The following SLC2A14 variants were observed in gnomAD, a reference collection of about 807,000 sequenced individuals.
SLC2A14 encodes solute carrier family 2, facilitated glucose transporter member 14.
A neutral mutation model predicts 43.0 loss-of-function variants in SLC2A14; 13 were observed. That is an observed-to-expected ratio of 0.30 (90% CI 0.20 to 0.48). The LOEUF is 0.48. SLC2A14 is among the 20% of genes least tolerant of loss of function. SLC2A14 has a pLI of 0.99. For missense variants in SLC2A14, 428 were observed against 620.4 expected (o/e 0.69, Z 3.29); for synonymous variants, 190 against 233.8 (o/e 0.81, Z 1.71).
chr12:7,812,993 T>C lies in SLC2A14; in HGVS notation c.*1323A>G, dbSNP rs914439742. On this transcript the variant is annotated 3_prime_UTR_variant, in exon 11 of 11. Transcript: ENST00000431042. Reference sequence around the variant, plus strand: ...TGACTCATACTGTCTAAACCTGGTTTATTGGAAAGATTCAAGTCCCCTGAG... The same window carrying C: ...TGACTCATACTGTCTAAACCTGGTTCATTGGAAAGATTCAAGTCCCCTGAG... 2.0e-5 allele frequency: 3 copies of C among 151,918 alleles called. No homozygotes were observed. 9.4% of individuals were successfully genotyped at this position (151,918 alleles called of 1,614,324 possible).
intron 4 of SLC2A14, among the ~76,000 whole-genome samples, chr12:7,830,296 CGCCTGCCACCAT>C (rs1221084230): frequency 6.6e-6 from 1 of 151,900 alleles, no homozygotes; most frequent in Non-Finnish European, 1.5e-5. Flanking sequence ...GGATAACAGG[CGCCTGCCACCAT>C]GCCTGGCTAA....
At chr12:7,839,781 G>C (rs888123145) in intron 2 of SLC2A14, 1 of 452,196 alleles carries the variant, frequency 2.2e-6, no homozygotes, top group Admixed American at 2.4e-5. Flanking sequence ...CCATACAGAA[G>C]GGGCTTCGGA....
intron 1 of SLC2A14, among the ~76,000 whole-genome samples, chr12:7,880,500 A>C (rs1013915617): frequency 2.0e-5 from 3 of 151,566 alleles, no homozygotes; most frequent in Non-Finnish European, 2.9e-5. Context: ...CTGATTAATC[A>C]ATATTAATCA....
chr12:7,890,929 T>TC, intron 1 of SLC2A14: 5 of 1,479,500 alleles, frequency 3.4e-6, no homozygotes, highest in Non-Finnish European at 4.5e-6. Flanking sequence ...GTTTTTCCCT[T>TC]TTTTAAAGAA....
At chr12:7,870,735 CA>C in intron 1 of SLC2A14, 53 of 516,454 alleles carry the variant, frequency 1.0e-4, no homozygotes, top group South Asian at 3.6e-4. Context: ...AAAGTCAAAC[CA>C]AAAAAAACCT....
intron 2 of SLC2A14, among the ~76,000 whole-genome samples, chr12:7,837,802 G>A (rs917316949): frequency 7.9e-5 from 12 of 151,532 alleles, no homozygotes; most frequent in African/African-American, 2.4e-4. Flanking sequence ...CTGTTGTCCA[G>A]GCTAGAGTGC....
chr12:7,814,572 A>C, intron 10 of SLC2A14, 38 bp from the exon 11 acceptor site: 5 of 1,588,554 alleles, frequency 3.1e-6, no homozygotes, highest in Non-Finnish European at 4.3e-6. Context: ...TTGATATAAA[A>C]ATCTGGTCAT....
intron 1 of SLC2A14, among the ~76,000 whole-genome samples, chr12:7,888,797 C>CAAAAAAA (rs138233883): frequency 3.8e-5 from 4 of 104,330 alleles, no homozygotes; most frequent in East Asian, 5.4e-4. Flanking sequence ...GACTCCGTCT[C>CAAAAAAA]AAAAAAAAAA....
upstream of SLC2A14, chr12:7,873,105 G>C (rs1945332000): frequency 2.0e-6 from 2 of 985,504 alleles, no homozygotes; most frequent in African/African-American, 1.7e-5. Flanking sequence ...GTCCAGCCCC[G>C]GCGGCTGCTG....
chr12:7,831,477 G>C, intron 4 of SLC2A14, 127 bp downstream of exon 4: 3 of 1,434,036 alleles, frequency 2.1e-6, no homozygotes, highest in Non-Finnish European at 2.8e-6. Flanking sequence ...AGTTGGGCTA[G>C]TTTCCCTTGA....
chr12:7,830,169 T>C (rs201582767), intron 4 of SLC2A14, among the ~76,000 whole-genome samples, 163 bp from the exon 5 acceptor site: 1 of 142,932 alleles, frequency 7.0e-6, no homozygotes, highest in East Asian at 2.1e-4. Context: ...TTTTTTTTTT[T>C]TGAGACAGAG....
Position 7,829,799 on chromosome 12 carries a change from C to A in SLC2A14, c.480G>T (p.Gln160His). The A allele has an allele frequency of 6.2e-7, 1 of 1,614,186 alleles. No homozygotes were observed. The highest frequency in any genetic ancestry group is 8.5e-7 in the Non-Finnish European group (1 of 1,180,030). The change falls in exon 5 of 11, where the codon CAG becomes CAT. Residue 160 changes from glutamine to histidine, a missense_variant. By Grantham distance (24) the Gln-to-His change is conservative. Transcript: ENST00000431042. ...ALRGAFGTLN[Q>H]LGIVIGILVA... ...CCAGAATTCCAATAACTATGCCCAG[C>A]TGGTTGAGAGTGCCAAAGGCACCCC...
intron 7 of SLC2A14, among the ~76,000 whole-genome samples, chr12:7,823,499 G>C (rs1864101374): frequency 6.6e-6 from 1 of 152,150 alleles, no homozygotes; most frequent in Admixed American, 6.5e-5. Context: ...AAGGCGGGCA[G>C]ATCACCTTAG....
chr12:7,863,148 C>T (rs1944686179), intron 2 of SLC2A14, among the ~76,000 whole-genome samples: 1 of 152,110 alleles, frequency 6.6e-6, no homozygotes, highest in Non-Finnish European at 1.5e-5. Flanking sequence ...CAAAGGTCTG[C>T]AGCTTCATTT....
chr12:7,882,968 C>G (rs961568884), intron 1 of SLC2A14, among the ~76,000 whole-genome samples: 4 of 151,698 alleles, frequency 2.6e-5, no homozygotes, highest in Non-Finnish European at 1.5e-5. Flanking sequence ...CCCAGGACTT[C>G]GGGAGGCCAA....
chr12:7,861,254 G>C (rs1165205842), intron 2 of SLC2A14, among the ~76,000 whole-genome samples: 3 of 151,688 alleles, frequency 2.0e-5, no homozygotes, highest in Admixed American at 6.6e-5. Flanking sequence ...TTTTTTTGGT[G>C]GGGGGGAGGC....
chr12:7,872,894 G>T lies in SLC2A14; in HGVS notation c.-145C>A. 5.1e-6 allele frequency: 5 copies of T among 985,690 alleles called. No homozygotes were observed. The highest frequency in any genetic ancestry group is 6.0e-6 in the Non-Finnish European group (5 of 830,160). 61.1% of individuals were successfully genotyped at this position (985,690 alleles called of 1,614,324 possible). A position where few individuals can be genotyped will look rare whatever the true frequency, so the allele number is the denominator to read the frequency against. On this transcript the variant is annotated 5_prime_UTR_variant, in exon 1 of 11. Transcript: ENST00000431042. ...CGCTGCGCCCCCGCCGGCCCCGCCT[G>T]CAGCCGTTGGGACCCACTAACTGCC...
chr12:7,871,158 T>A, intron 1 of SLC2A14: 1 of 1,280,158 alleles, frequency 7.8e-7, no homozygotes, highest in Non-Finnish European at 1.0e-6. Flanking sequence ...ACCCCCAGGA[T>A]GTGATCCAAA....
intron 2 of SLC2A14, among the ~76,000 whole-genome samples, chr12:7,842,841 G>T (rs1341644829): frequency 6.6e-6 from 1 of 151,114 alleles, no homozygotes; most frequent in Admixed American, 6.6e-5. Flanking sequence ...TGATTCTCCT[G>T]CCTCAGCCTC....
Sources: gnomAD v4.1 joint callset for allele counts (sites outside exome capture counted in the v4.1 genomes callset) on GRCh38, gnomAD v4.1.1 for gene constraint, MANE v1.5 for transcripts, NCBI Gene and HGNC (gene_info 2026-07-23, HGNC 2026-07-21) for gene names.